Variants in EPHA6 observed in about 807,000 individuals in gnomAD.
EPHA6 encodes the protein ephrin type-A receptor 6.
In EPHA6, 50 loss-of-function variants were observed where a neutral mutation model predicts 112.0. That is an observed-to-expected ratio of 0.45 (90% CI 0.36 to 0.56). The LOEUF is 0.56. Among genes scored for constraint, EPHA6 ranks in the 20% least tolerant of loss-of-function variants. The pLI, the probability that EPHA6 is intolerant of heterozygous loss-of-function variation, is 0.00. For missense variants in EPHA6, 1,280 were observed against 1,417.4 expected (o/e 0.90, Z 1.56); for synonymous variants, 529 against 490.7 (o/e 1.08, Z -1.03).
chr3:97,502,268 A>C (rs1017183614), intron 10 of EPHA6, among the ~76,000 whole-genome samples: 2 of 148,568 alleles, frequency 1.3e-5, no homozygotes, highest in Non-Finnish European at 3.0e-5. Context: ...TCCTAGGTTC[A>C]AGTGTTTCTC....
chr3:97,035,985 A>G (rs1457773895), intron 3 of EPHA6, among the ~76,000 whole-genome samples: 2 of 151,978 alleles, frequency 1.3e-5, no homozygotes, highest in Non-Finnish European at 2.9e-5. Context: ...GTGCCCTCAT[A>G]AAAGAGGCTC....
intron 14 of EPHA6, among the ~76,000 whole-genome samples, chr3:97,673,196 A>G (rs967641517): frequency 6.6e-6 from 1 of 152,188 alleles, no homozygotes; most frequent in Non-Finnish European, 1.5e-5. Context: ...AGTTGAATGT[A>G]TTTGGCTTGC....
chr3:97,466,318 A>G (rs1577488590), intron 7 of EPHA6: 2 of 1,536,312 alleles, frequency 1.3e-6, no homozygotes. Context: ...ATGAGAAGTA[A>G]CTATACCTAG....
intron 8 of EPHA6, among the ~76,000 whole-genome samples, chr3:97,478,109 CA>C (rs1390482026): frequency 7.0e-6 from 1 of 142,540 alleles, no homozygotes; most frequent in African/African-American, 2.9e-5. Context: ...ACATTATTTA[CA>C]ATAGAAAAAA....
chr3:97,506,808 A>G (rs1276072115), intron 10 of EPHA6, among the ~76,000 whole-genome samples: 1 of 152,162 alleles, frequency 6.6e-6, no homozygotes, highest in African/African-American at 2.4e-5. Flanking sequence ...ATGAGCATGG[A>G]ATGTTTTTCC....
chr3:97,122,354 A>G (rs969394962), intron 3 of EPHA6, among the ~76,000 whole-genome samples: 27 of 152,026 alleles, frequency 1.8e-4, no homozygotes, highest in African/African-American at 6.5e-4. Flanking sequence ...CAAAATTCCT[A>G]CGGTTTTCTA....
At chr3:97,120,855 T>C (rs1409962764) in intron 3 of EPHA6, among the ~76,000 whole-genome samples, 3 of 151,920 alleles carry the variant, frequency 2.0e-5, no homozygotes, top group Non-Finnish European at 4.4e-5. Flanking sequence ...AATAATGTTA[T>C]AGTGTAAATA....
chr3:96,866,473 G>A (rs1263181527), intron 1 of EPHA6, among the ~76,000 whole-genome samples: 1 of 151,768 alleles, frequency 6.6e-6, no homozygotes, highest in African/African-American at 2.4e-5. Flanking sequence ...CCTGAATGTG[G>A]TCTAAAAATA....
intron 10 of EPHA6, among the ~76,000 whole-genome samples, chr3:97,487,531 ATCTTT>A: frequency 6.6e-6 from 1 of 152,320 alleles, no homozygotes; most frequent in Admixed American, 6.5e-5. Context: ...GTCTTCCTCA[ATCTTT>A]GTCCTGAGAT....
intron 3 of EPHA6, among the ~76,000 whole-genome samples, chr3:97,127,959 C>T (rs1197054098): frequency 6.6e-6 from 1 of 151,856 alleles, no homozygotes; most frequent in East Asian, 1.9e-4. Context: ...TTAGTGCACC[C>T]ATCACCTGAG....
chr3:97,690,490 A>G (rs1202540019), intron 14 of EPHA6, among the ~76,000 whole-genome samples: 1 of 149,792 alleles, frequency 6.7e-6, no homozygotes, highest in Non-Finnish European at 1.5e-5. Flanking sequence ...TTTTGGAGAC[A>G]GAGTTTCACT....
rs192545106 is a variant in EPHA6 at position 97,671,468 on chromosome 3, G to A, written c.2784+33386G>A. ...AATACTTTTTAATCAAGCCTGGTTG[G>A]GTCTTTTGTTTGGTTGCAGAGTAGC... is the stretch of plus-strand genomic sequence containing the variant. On this transcript the variant is annotated intron_variant, in intron 14 of 17. Transcript: ENST00000389672. Among the ~76,000 whole-genome samples, 4 of 152,174 alleles carry A rather than the reference G, an allele frequency of 2.6e-5. No homozygotes were observed. In the East Asian group the frequency reaches 7.7e-4, roughly 29 times the overall value.
chr3:97,616,343 T>C (rs1236539333), intron 13 of EPHA6, among the ~76,000 whole-genome samples: 1 of 152,124 alleles, frequency 6.6e-6, no homozygotes. Flanking sequence ...GCAAGAACAC[T>C]GAAAACTCAA....
chr3:97,654,875 G>T (rs1157122658), intron 14 of EPHA6, among the ~76,000 whole-genome samples: 1 of 151,544 alleles, frequency 6.6e-6, no homozygotes, highest in East Asian at 1.9e-4. Context: ...TAAGCAAAGG[G>T]TGACATATGA....
chr3:97,215,916 CATATTAGTT>C (rs1197444273), intron 3 of EPHA6, among the ~76,000 whole-genome samples: 6 of 152,014 alleles, frequency 3.9e-5, no homozygotes, highest in Non-Finnish European at 7.4e-5. Flanking sequence ...GTTTATTGAA[CATATTAGTT>C]TACCTGTATG....
chr3:97,525,400 A>T (rs2092604640), intron 10 of EPHA6, among the ~76,000 whole-genome samples: 1 of 151,822 alleles, frequency 6.6e-6, no homozygotes, highest in Non-Finnish European at 1.5e-5. Flanking sequence ...TGTTCTCCTT[A>T]TTTCTTTTAG....
intron 14 of EPHA6, among the ~76,000 whole-genome samples, chr3:97,664,418 G>A (rs1209754490): frequency 6.6e-6 from 1 of 152,114 alleles, no homozygotes; most frequent in Non-Finnish European, 1.5e-5. Context: ...TACAAGACAG[G>A]GATGCCCTCC....
At chr3:97,491,650 T>G (rs574896097) in intron 10 of EPHA6, among the ~76,000 whole-genome samples, 2 of 150,156 alleles carry the variant, frequency 1.3e-5, no homozygotes, top group East Asian at 3.9e-4. Context: ...TTATGAGAGT[T>G]GAATCTGTGC....
intron 5 of EPHA6, among the ~76,000 whole-genome samples, chr3:97,300,249 TA>T (rs1018357639): frequency 2.0e-5 from 3 of 151,590 alleles, no homozygotes; most frequent in Non-Finnish European, 2.9e-5. Flanking sequence ...TTAAAAACAG[TA>T]AAAAAAAATT....
Sources: allele counts gnomAD v4.1 joint callset (sites outside exome capture counted in the v4.1 genomes callset), GRCh38; gene constraint gnomAD v4.1.1; transcripts MANE v1.5; gene names NCBI Gene and HGNC (gene_info 2026-07-23, HGNC 2026-07-21).